Variants in ADAMTS10 observed in about 807,000 individuals in gnomAD.
ADAMTS10 encodes A disintegrin and metalloproteinase with thrombospondin motifs 10.
Under a neutral mutation model 135.9 loss-of-function variants are expected in ADAMTS10, and 48 were observed. That is an observed-to-expected ratio of 0.35 (90% confidence interval 0.28 to 0.45). The LOEUF (loss-of-function observed/expected upper bound fraction) is 0.45, where lower values mean the gene tolerates loss of function less well. Among genes scored for constraint, ADAMTS10 ranks in the 20% least tolerant of loss-of-function variants. The pLI is 1.00. For missense variants in ADAMTS10, 1,131 were observed against 1,565.2 expected (o/e 0.72, Z 4.68); for synonymous variants, 621 against 647.5 (o/e 0.96, Z 0.62).
In ADAMTS10 at chr19:8,585,413, C is replaced by G. The variant is rs781953736; in HGVS notation, c.2865+43G>C. On this transcript the variant is annotated intron_variant, in intron 23 of 25. Transcript: ENST00000597188. Reference sequence around the variant, plus strand: ...CGCAGAGGCGTCTCCGTGGACACCCCACCTGGGCATCCCAGTGGGCGCGAA... The same window carrying G: ...CGCAGAGGCGTCTCCGTGGACACCCGACCTGGGCATCCCAGTGGGCGCGAA... 7.4e-4 allele frequency: 1,143 copies of G among 1,537,170 alleles called. 3 individuals are homozygous for G. Among genetic ancestry groups the G allele is most frequent in the Middle Eastern group, 1.0e-3 (6 of 5,936 alleles).
chr19:8,586,687 C>T lies in ADAMTS10; in HGVS notation c.2274G>A (p.Glu758=). The T allele has an allele frequency of 1.2e-6, 2 of 1,613,256 alleles. No homozygotes were observed. Among genetic ancestry groups the T allele is most frequent in the Non-Finnish European group, 1.7e-6 (2 of 1,179,324 alleles). Residue 758 remains glutamate, a synonymous_variant, in exon 20 of 26, where the codon GAG becomes GAA. Coordinates refer to ENST00000597188, the MANE Select transcript of ADAMTS10 (RefSeq NM_030957.4). ...LKGDQESLLL[E]GLPGTPQPHR... ...GGGGCTGGGGGGTCCCAGGCAGCCC[C>T]TCCAGCAGCAGGGACTCCTGGTCTC... is the stretch of plus-strand genomic sequence containing the variant.
intron 16 of ADAMTS10, 116 bp from the exon 17 acceptor site, chr19:8,589,701 T>C: frequency 6.5e-7 from 1 of 1,535,586 alleles, no homozygotes; most frequent in Admixed American, 1.9e-5. Flanking sequence ...AAGGGCAGCT[T>C]GGGCAGAGGG....
intron 25 of ADAMTS10, 23 bp downstream of exon 25, chr19:8,584,872 A>C: frequency 6.5e-7 from 1 of 1,548,330 alleles, no homozygotes; most frequent in Non-Finnish European, 8.7e-7. Flanking sequence ...CTCCTGGCGC[A>C]CCCTGGCTGG....
intron 4 of ADAMTS10, among the ~76,000 whole-genome samples, chr19:8,604,458 A>G (rs1397799008): frequency 1.2e-4 from 17 of 147,620 alleles, no homozygotes; most frequent in African/African-American, 3.9e-4. Context: ...ATTATATATT[A>G]TATATATTTA....
chr19:8,598,738 C>A (rs1555740806), intron 6 of ADAMTS10, among the ~76,000 whole-genome samples: 1 of 151,914 alleles, frequency 6.6e-6, no homozygotes, highest in East Asian at 1.9e-4. Flanking sequence ...CCACGCCCAG[C>A]TGATTTTTGT....
chr19:8,596,615 G>T lies in ADAMTS10; in HGVS notation c.1041-30C>A. 6.2e-7 allele frequency: 1 copy of T among 1,611,024 alleles called. No individual in the cohort carries two copies. Among genetic ancestry groups the T allele is most frequent in the Non-Finnish European group, 8.5e-7 (1 of 1,179,174 alleles). ...AAAAGGAGACAGGGTCAGTGAGGGG[G>T]CTGGGCTGTCTCCCTAAGCCCTGCT... is the stretch of plus-strand genomic sequence containing the variant. On this transcript the variant is annotated intron_variant, in intron 8 of 25. Coordinates refer to ENST00000597188, the MANE Select transcript of ADAMTS10 (RefSeq NM_030957.4). This position sits in a 1 kb window ranked among gnomAD's most constrained non-coding sequence, Gnocchi z 7.2.
rs1257499326 is a variant in ADAMTS10, at chr19:8,605,569, TG to T, written c.88+53del. The T allele has an allele frequency of 3.3e-6, 5 of 1,534,576 alleles. No homozygotes were observed. Among genetic ancestry groups the T allele is most frequent in the Non-Finnish European group, 4.4e-6 (5 of 1,130,388 alleles). The stretch of plus-strand genomic sequence containing the variant: ...ATGCCTCTTTCTGTTGGAGCCCAAC[TG>T]GTCTCTTACATTTTTCGCTCCCTCC... On this transcript the variant is annotated intron_variant, in intron 3 of 25. Coordinates refer to ENST00000597188, the MANE Select transcript of ADAMTS10 (RefSeq NM_030957.4). The surrounding 1 kb of genome is among the most constrained non-coding windows in gnomAD (Gnocchi z 7.7).
At chr19:8,592,259 G>C in intron 13 of ADAMTS10, 156 bp from the exon 14 acceptor site, 1 of 1,434,120 alleles carries the variant, frequency 7.0e-7, no homozygotes. Flanking sequence ...AGGTTACGTA[G>C]GAGAGTGGTC....
chr19:8,594,649 G>A (rs929957667), intron 12 of ADAMTS10, among the ~76,000 whole-genome samples: 1 of 152,170 alleles, frequency 6.6e-6, no homozygotes, highest in Non-Finnish European at 1.5e-5. Context: ...CCTTGGACAA[G>A]TCATCCTCCC....
chr19:8,601,189 G>C lies in ADAMTS10; in HGVS notation c.593-44C>G. On this transcript the variant is annotated intron_variant, in intron 5 of 25. Transcript: ENST00000597188. This position sits in a 1 kb window ranked among gnomAD's most constrained non-coding sequence, Gnocchi z 4.6. ...CAATTAAGCCCTGCCCTGCTGGTGG[G>C]ACGCAGAGCTGCCTGACAACTGTCT... 6.3e-7 allele frequency: 1 copy of C among 1,595,740 alleles called. No individual in the cohort carries two copies. The highest frequency in any genetic ancestry group is 8.5e-7 in the Non-Finnish European group (1 of 1,171,116).
intron 23 of ADAMTS10, 24 bp downstream of exon 23, chr19:8,585,432 G>A: frequency 6.5e-7 from 1 of 1,536,988 alleles, no homozygotes; most frequent in South Asian, 1.2e-5. Context: ...ATCCCAGTGG[G>A]CGCGAAGGAA....
At position 8,596,840 on chromosome 19, in the gene ADAMTS10, C is replaced by T; in HGVS notation, c.1040+147G>A. The stretch of plus-strand genomic sequence containing the variant: ...CCCTTACCCATTATTCTCAAGCAGC[C>T]CCTCCCCATCCCTGGCTCCCTCATG... On this transcript the variant is annotated intron_variant, in intron 8 of 25. Coordinates refer to ENST00000597188, the MANE Select transcript of ADAMTS10 (RefSeq NM_030957.4). This position sits in a 1 kb window ranked among gnomAD's most constrained non-coding sequence, Gnocchi z 7.2. The T allele has an allele frequency of 7.6e-7, 1 of 1,317,606 alleles. No homozygotes were observed. Among genetic ancestry groups the T allele is most frequent in the South Asian group, 1.3e-5 (1 of 79,086 alleles). 81.6% of individuals were successfully genotyped at this position (1,317,606 alleles called of 1,614,324 possible). A position where few individuals can be genotyped will look rare whatever the true frequency, so the allele number is the denominator to read the frequency against.
chr19:8,605,353 A>T lies in ADAMTS10; in HGVS notation c.94T>A (p.Phe32Ile). ...TCATAGCTCTCCAGACTGGACAGGAACTCATCTGTGGGTGAGGGTCAGAGG... is the reference window on the plus strand; with the variant it reads ...TCATAGCTCTCCAGACTGGACAGGATCTCATCTGTGGGTGAGGGTCAGAGG... ...VTHAFRSQDE[F>I]LSSLESYEIA... The change falls in exon 4 of 26, where the codon TTC becomes ATC. Residue 32 changes from phenylalanine to isoleucine, a missense_variant. Transcript: ENST00000597188. This position sits in a 1 kb window ranked among gnomAD's most constrained non-coding sequence, Gnocchi z 7.7. 2 of 1,598,510 alleles carry T rather than the reference A, an allele frequency of 1.3e-6. No homozygotes were observed. Among genetic ancestry groups the T allele is most frequent in the Middle Eastern group, 3.3e-4 (2 of 6,042 alleles).
Position 8,586,599 on chromosome 19 carries a change from G to A in ADAMTS10, c.2362C>T (p.Leu788Phe). 1.2e-6 allele frequency: 2 copies of A among 1,614,046 alleles called. No homozygotes were observed. The highest frequency in any genetic ancestry group is 1.7e-6 in the Non-Finnish European group (2 of 1,180,026). Residue 788 changes from leucine (L) to phenylalanine (F), a missense_variant, in exon 20 of 26, where the codon CTC becomes TTC. Physicochemically the swap from Leu to Phe is conservative, Grantham distance 22. Around this residue, in one of 3 missense-constraint regions of ADAMTS10, gnomAD observed 745 missense variants for 1,056.3 expected, o/e 0.71. Coordinates refer to ENST00000597188, the MANE Select transcript of ADAMTS10 (RefSeq NM_030957.4). ...GCATTAATCGGTCCCAGGGCTTCGA[G>A]GCTCTGGACCTGGTCTGGCCCCTGT... Reference protein sequence around the residue: ...LRQGPDQVQSLEALGPINASL... With the variant: ...LRQGPDQVQSFEALGPINASL...
At chr19:8,599,891 G>A (rs1411411768) in intron 6 of ADAMTS10, among the ~76,000 whole-genome samples, 2 of 151,598 alleles carry the variant, frequency 1.3e-5, no homozygotes, top group Non-Finnish European at 2.9e-5. Context: ...CTGGAGCACA[G>A]TGGCGTGATC....
At chr19:8,587,366 G>C (rs373206930) in intron 18 of ADAMTS10, among the ~76,000 whole-genome samples, 1 of 102,820 alleles carries the variant, frequency 9.7e-6, no homozygotes, top group Admixed American at 1.4e-4. Context: ...TGTAGAGTTG[G>C]GGGTCTCCTT....
rs373213602 is a variant in ADAMTS10, at chr19:8,601,362, C to CTT, written c.593-219_593-218dup. On this transcript the variant is annotated intron_variant, in intron 5 of 25. Coordinates refer to ENST00000597188, the MANE Select transcript of ADAMTS10 (RefSeq NM_030957.4). The surrounding 1 kb of genome is among the most constrained non-coding windows in gnomAD (Gnocchi z 4.6). Reference sequence around the variant, plus strand: ...CAAACACCTCATCGTTTTTCTTATTCTTTTTTTTTTTTTTTTTGAGACGGA... The same window carrying CTT: ...CAAACACCTCATCGTTTTTCTTATTCTTTTTTTTTTTTTTTTTTTGAGACGGA... Among the ~76,000 whole-genome samples the CTT allele has an allele frequency of 3.7e-5, 5 of 136,880 alleles. No homozygotes were observed. Among genetic ancestry groups the CTT allele is most frequent in the Admixed American group, 7.3e-5 (1 of 13,668 alleles). 89.8% of individuals were successfully genotyped at this position (136,880 alleles called of 152,430 possible). A position where few individuals can be genotyped will look rare whatever the true frequency, so the allele number is the denominator to read the frequency against.
At chr19:8,603,605 T>G in intron 5 of ADAMTS10, 123 bp downstream of exon 5, 4 of 1,422,528 alleles carry the variant, frequency 2.8e-6, no homozygotes, top group Non-Finnish European at 3.9e-6. Context: ...TGTGTCCCCT[T>G]CTCAGCAGCT....
chr19:8,586,202 C>A lies in ADAMTS10; in HGVS notation c.2580G>T (p.Ala860=), dbSNP rs200003456. The change falls in exon 22 of 26, where the codon GCG becomes GCT. Residue 860 remains alanine, a synonymous_variant. Transcript: ENST00000597188. ...GGGCACTGCAGTAGTGGGGGGCGAC[C>A]GCGGAGCTGTCCAGCTGGTTGCGGC... ...VECRNQLDSS[A]VAPHYCSAHS... is the part of the protein sequence containing the mutation. The A allele has an allele frequency of 1.9e-6, 3 of 1,612,732 alleles. No individual in the cohort carries two copies. The highest frequency in any genetic ancestry group is 1.7e-6 in the Non-Finnish European group (2 of 1,179,950).
Sources: gnomAD v4.1 joint callset for allele counts (sites outside exome capture counted in the v4.1 genomes callset) on GRCh38, gnomAD v4.1.1 for gene constraint, gnomAD v4.1.1 regional missense constraint, Gnocchi (gnomAD v3.1) non-coding constraint, MANE v1.5 for transcripts, NCBI Gene and HGNC (gene_info 2026-07-23, HGNC 2026-07-21) for gene names.